The following PKIB variants were observed in gnomAD, a reference collection of about 807,000 sequenced individuals.
PKIB encodes PKI-beta.
A neutral mutation model predicts 4.5 loss-of-function variants in PKIB; 2 were observed. The observed-to-expected ratio is 0.44, with a 90% confidence interval of 0.18 to 1.39. PKIB has a LOEUF of 1.39. PKIB is among the 40% of genes most tolerant of loss of function. The pLI, the probability that PKIB is intolerant of heterozygous loss-of-function variation, is 0.27. For missense variants in PKIB, 94 were observed against 92.6 expected, an observed-to-expected ratio of 1.02 and a Z score of -0.06; for synonymous variants, 38 against 36.0, an observed-to-expected ratio of 1.06 and a Z score of -0.20.
At chr6:122,495,345 C>G (rs1438465211) in intron 2 of PKIB, among the ~76,000 whole-genome samples, 1 of 152,154 alleles carries the variant, frequency 6.6e-6, no homozygotes, top group Non-Finnish European at 1.5e-5. Flanking sequence ...TGCCCTGCCC[C>G]CACCTGAACA....
chr6:122,573,527 AAAAAAAAAAAGAAAAAG>A (rs1773434568), intron 2 of PKIB, among the ~76,000 whole-genome samples: 1 of 144,834 alleles, frequency 6.9e-6, no homozygotes, highest in Non-Finnish European at 1.6e-5. Flanking sequence ...GTCTCAAAAA[AAAAAAAAAAAGAAAAAG>A]AAAAAAAAAA....
intron 2 of PKIB, among the ~76,000 whole-genome samples, chr6:122,534,758 A>C (rs1426424760): frequency 6.6e-6 from 1 of 152,190 alleles, no homozygotes; most frequent in Non-Finnish European, 1.5e-5. Flanking sequence ...CAGAGTAACT[A>C]GAACTACAGA....
chr6:122,673,640 G>A (rs1199351591), intron 2 of PKIB, among the ~76,000 whole-genome samples: 1 of 152,188 alleles, frequency 6.6e-6, no homozygotes, highest in African/African-American at 2.4e-5. Context: ...ATTCTTCCAA[G>A]GTGGTAAAAT....
chr6:122,508,317 T>C (rs1319420209), intron 2 of PKIB, among the ~76,000 whole-genome samples: 1 of 152,228 alleles, frequency 6.6e-6, no homozygotes, highest in South Asian at 2.1e-4. Context: ...GACGTCTGTT[T>C]GTCAGATTAT....
At chr6:122,591,272 T>C (rs1055063635) in intron 3 of PKIB, among the ~76,000 whole-genome samples, 15 of 151,910 alleles carry the variant, frequency 9.9e-5, no homozygotes, top group African/African-American at 3.6e-4. Flanking sequence ...TCTAACTATA[T>C]GCCTTTCCTA....
intron 3 of PKIB, among the ~76,000 whole-genome samples, chr6:122,602,793 A>G (rs1277644430): frequency 6.6e-6 from 1 of 151,788 alleles, no homozygotes; most frequent in African/African-American, 2.4e-5. Context: ...GAACAAACAA[A>G]AAAAACAAAA....
At chr6:122,647,289 A>G (rs1009902604) in intron 2 of PKIB, among the ~76,000 whole-genome samples, 2 of 152,190 alleles carry the variant, frequency 1.3e-5, no homozygotes, top group Non-Finnish European at 2.9e-5. Context: ...TTCTTCACTT[A>G]AAGTCAATTG....
rs117231981 is a variant in PKIB, at chr6:122,638,662, G to T, written c.-76+5295G>T. ...ACCCCGATCATTTTCTCAGTATTGC[G>T]TTTAGCACTTCAACTCTTTTTATCC... On this transcript the variant is annotated intron_variant, in intron 2 of 4. Coordinates refer to ENST00000368452, the MANE Select transcript of PKIB (RefSeq NM_181795.3). Among the ~76,000 whole-genome samples the T allele has an allele frequency of 1.2e-3, 186 of 152,222 alleles. 3 individuals carry two copies. In the East Asian group the frequency reaches 0.02, roughly 17 times the overall value.
rs183960796 is a variant in PKIB, at chr6:122,577,317, G to A, written c.-247-8604G>A. Among the ~76,000 whole-genome samples, 352 of 152,272 alleles carry A rather than the reference G, an allele frequency of 2.3e-3. 1 individual carries two copies. Among genetic ancestry groups the A allele is most frequent in the African/African-American group, 8.0e-3 (334 of 41,572 alleles). On this transcript the variant is annotated intron_variant, in intron 2 of 6. Coordinates refer to the PKIB transcript ENST00000392491. ...AATAATTTTTCCTGGGATGAGGGAC[G>A]CAGGGTTGGAGAAATGCAAAGAAAA...
intron 3 of PKIB, among the ~76,000 whole-genome samples, chr6:122,690,856 T>G (rs1166908200): frequency 6.6e-6 from 1 of 151,658 alleles, no homozygotes; most frequent in Non-Finnish European, 1.5e-5. Flanking sequence ...CTGGTGTTGA[T>G]GAAATCCTTC....
chr6:122,639,310 G>A (rs1027883493), intron 2 of PKIB, among the ~76,000 whole-genome samples: 3 of 152,176 alleles, frequency 2.0e-5, no homozygotes, highest in African/African-American at 7.2e-5. Flanking sequence ...TTGTCAAGGA[G>A]AGTAAAGGGA....
At chr6:122,501,398 G>A (rs557502869) in intron 2 of PKIB, among the ~76,000 whole-genome samples, 26 of 152,280 alleles carry the variant, frequency 1.7e-4, no homozygotes, top group African/African-American at 3.4e-4. Flanking sequence ...CCACTGCAGC[G>A]GACTTCTACC....
intron 2 of PKIB, among the ~76,000 whole-genome samples, chr6:122,572,754 A>T (rs1284861018): frequency 6.6e-6 from 1 of 152,206 alleles, no homozygotes; most frequent in Non-Finnish European, 1.5e-5. Context: ...AAGAGAGAAC[A>T]TTCAAATAAG....
intron 2 of PKIB, chr6:122,483,265 A>G (rs1775679255): frequency 2.6e-5 from 4 of 152,230 alleles, no homozygotes; most frequent in Admixed American, 2.0e-4. Context: ...TTAAACAACT[A>G]TAAATACATT....
rs910833275 is a variant in PKIB at position 122,524,346 on chromosome 6, C to T, written c.-248+46407C>T. On this transcript the variant is annotated intron_variant, in intron 2 of 6. Transcript: ENST00000392491. ...TTCCTCCTCCTCCTTCTTCTTCTTC[C>T]TCCTCCTCCTCCTCCTCTTTTTCTT... Among the ~76,000 whole-genome samples, 4 of 140,464 alleles carry T rather than the reference C, an allele frequency of 2.8e-5. 1 individual carries two copies. The highest frequency in any genetic ancestry group is 3.0e-5 in the Non-Finnish European group (2 of 66,256). 92.1% of individuals were successfully genotyped at this position (140,464 alleles called of 152,430 possible).
At chr6:122,675,963 T>A (rs992270862) in intron 3 of PKIB, among the ~76,000 whole-genome samples, 3 of 150,190 alleles carry the variant, frequency 2.0e-5, no homozygotes, top group African/African-American at 7.3e-5. Flanking sequence ...TGGAAGACAA[T>A]TTTTCCACAG....
intron 2 of PKIB, among the ~76,000 whole-genome samples, chr6:122,530,049 C>T (rs1416165523): frequency 6.6e-6 from 1 of 151,924 alleles, no homozygotes; most frequent in Non-Finnish European, 1.5e-5. Context: ...TCCTCTCCTC[C>T]TAGTATTCTC....
chr6:122,571,012 T>C (rs150040514), intron 2 of PKIB, among the ~76,000 whole-genome samples: 1 of 151,142 alleles, frequency 6.6e-6, no homozygotes, highest in East Asian at 1.9e-4. Context: ...AAATTCAGGA[T>C]ATGAATGAAA....
chr6:122,698,428 G>A lies in PKIB; in HGVS notation c.-8-19359G>A, dbSNP rs141558015. 3.9e-4 allele frequency among the ~76,000 whole-genome samples: 59 copies of A among 152,272 alleles called. 1 individual carries two copies. Among genetic ancestry groups the A allele is most frequent in the African/African-American group, 1.3e-3 (55 of 41,554 alleles). On this transcript the variant is annotated intron_variant, in intron 3 of 4. Transcript: ENST00000368452. Reference sequence around the variant, plus strand: ...GGGTGCTGCTCCAATGCATTACCAGGCATTGCAGTAGCTGGGTACAGAGGG... The same window carrying A: ...GGGTGCTGCTCCAATGCATTACCAGACATTGCAGTAGCTGGGTACAGAGGG...
Sources: allele counts gnomAD v4.1 joint callset (sites outside exome capture counted in the v4.1 genomes callset), GRCh38; gene constraint gnomAD v4.1.1; transcripts MANE v1.5; gene names NCBI Gene and HGNC (gene_info 2026-07-23, HGNC 2026-07-21).